ATP11A: variants seen among roughly 807,000 people sequenced by gnomAD.
ATP11A encodes the protein phospholipid-transporting ATPase IH.
A neutral mutation model predicts 154.4 loss-of-function variants in ATP11A; 81 were observed. The ratio of observed to expected loss-of-function variants is 0.52; its 90% CI spans 0.44 to 0.63. The LOEUF (loss-of-function observed/expected upper bound fraction) is 0.63, where lower values mean the gene tolerates loss of function less well. Ranked by LOEUF, ATP11A falls within the 30% of genes least tolerant of loss-of-function variation. ATP11A has a pLI of 0.00. For synonymous variants in ATP11A, 623 were observed against 585.9 expected (o/e 1.06, Z -0.91); for missense variants, 1,316 against 1,474.3 (o/e 0.89, Z 1.76).
intron 1 of ATP11A, among the ~76,000 whole-genome samples, chr13:112,701,635 A>C (rs1886551645): frequency 1.3e-5 from 2 of 151,748 alleles, no homozygotes; most frequent in South Asian, 4.2e-4. Context: ...GATCGAGACC[A>C]TCCTGGCTAA....
At position 112,690,601 on chromosome 13, in the gene ATP11A, G is replaced by C; in HGVS notation, c.39+146G>C. On this transcript the variant is annotated intron_variant, in intron 1 of 29. Transcript: ENST00000375645. The surrounding 1 kb of genome is among the most constrained non-coding windows in gnomAD (Gnocchi z 5.6). ...CTCGGACCGCCCCCGGGGACGAGCG[G>C]GATGCTGGGGAGGGGCCTCGGAGTT... 1.3e-6 allele frequency: 1 copy of C among 744,844 alleles called. No homozygotes were observed. The highest frequency in any genetic ancestry group is 1.8e-6 in the Non-Finnish European group (1 of 548,844). 46.1% of individuals were successfully genotyped at this position (744,844 alleles called of 1,614,324 possible). A position where few individuals can be genotyped will look rare whatever the true frequency, so the allele number is the denominator to read the frequency against.
At chr13:112,760,984 A>T (rs1447136309) in intron 1 of ATP11A, among the ~76,000 whole-genome samples, 1 of 152,232 alleles carries the variant, frequency 6.6e-6, no homozygotes, top group African/African-American at 2.4e-5. Flanking sequence ...GGAAAATTCC[A>T]GAAATAAACA....
chr13:112,710,163 G>A (rs539333258), intron 1 of ATP11A, among the ~76,000 whole-genome samples: 2 of 152,356 alleles, frequency 1.3e-5, no homozygotes, highest in Admixed American at 6.5e-5. Context: ...AATCACGAGT[G>A]TCATCCATGT....
At chr13:112,816,736 C>A (rs1013922174) in intron 6 of ATP11A, among the ~76,000 whole-genome samples, 7 of 152,190 alleles carry the variant, frequency 4.6e-5, no homozygotes, top group African/African-American at 1.7e-4. Context: ...CTCCCCATTT[C>A]CTTTTCACTT....
At chr13:112,694,758 A>G (rs902747984) in intron 1 of ATP11A, among the ~76,000 whole-genome samples, 1 of 152,126 alleles carries the variant, frequency 6.6e-6, no homozygotes, top group Non-Finnish European at 1.5e-5. Flanking sequence ...TTGCTTCTTA[A>G]CATTCTAAGA....
intron 1 of ATP11A, among the ~76,000 whole-genome samples, chr13:112,733,989 A>T (rs192530): frequency 6.6e-6 from 1 of 152,084 alleles, no homozygotes; most frequent in Admixed American, 6.5e-5. Context: ...TGTCAAACAA[A>T]TACTCATTGA....
At chr13:112,762,830 G>A (rs775327668) in intron 1 of ATP11A, among the ~76,000 whole-genome samples, 2 of 152,224 alleles carry the variant, frequency 1.3e-5, no homozygotes, top group African/African-American at 2.4e-5. Flanking sequence ...CAGGAGTGGC[G>A]TGGAGGCCGG....
At chr13:112,702,492 G>A (rs1311796082) in intron 1 of ATP11A, among the ~76,000 whole-genome samples, 1 of 152,230 alleles carries the variant, frequency 6.6e-6, no homozygotes. Flanking sequence ...GTCTCCCTCT[G>A]CCCTCAGATG....
intron 5 of ATP11A, among the ~76,000 whole-genome samples, chr13:112,814,688 G>C (rs865924188): frequency 3.9e-5 from 6 of 152,194 alleles, no homozygotes; most frequent in Middle Eastern, 3.4e-3. Context: ...TCTGTTTCTG[G>C]TTCCCTGGTC....
At chr13:112,805,841 AAAT>A (rs1297584852) in intron 3 of ATP11A, among the ~76,000 whole-genome samples, 2 of 152,210 alleles carry the variant, frequency 1.3e-5, no homozygotes, top group African/African-American at 4.8e-5. Flanking sequence ...TAATTTTTCT[AAAT>A]CATACAAAAT....
At position 112,883,703 on chromosome 13, in the gene ATP11A, C is replaced by T. The variant is rs2080931696; in HGVS notation, c.*1837C>T. On this transcript the variant is annotated 3_prime_UTR_variant, in exon 30 of 30. Coordinates refer to ENST00000375645, the MANE Select transcript of ATP11A (RefSeq NM_015205.3). Reference sequence around the variant, plus strand: ...TGAGCAGACAGAACGGGGAAGACTCCACTCTGTCCCGAGGGGCCAGCCGCA... The same window carrying T: ...TGAGCAGACAGAACGGGGAAGACTCTACTCTGTCCCGAGGGGCCAGCCGCA... The T allele has an allele frequency of 6.6e-6, 1 of 152,602 alleles. No homozygotes were observed. Among genetic ancestry groups the T allele is most frequent in the South Asian group, 2.1e-4 (1 of 4,828 alleles). The allele number at this position is 152,602 out of a possible 1,614,324, so 9.5% of individuals were successfully genotyped here.
At chr13:112,874,323 G>C (rs373530221) in intron 27 of ATP11A, among the ~76,000 whole-genome samples, 1 of 152,230 alleles carries the variant, frequency 6.6e-6, no homozygotes, top group Admixed American at 6.5e-5. Context: ...CTCCTGGACC[G>C]CCGGCCGTGA....
At position 112,844,264 on chromosome 13, in the gene ATP11A, G is replaced by A. The variant is rs78516003; in HGVS notation, c.1809+1885G>A. Among the ~76,000 whole-genome samples, 1,254 of 152,316 alleles carry A rather than the reference G, an allele frequency of 8.2e-3. 19 individuals carry two copies. Among genetic ancestry groups the A allele is most frequent in the African/African-American group, 0.029 (1,206 of 41,568 alleles). On this transcript the variant is annotated intron_variant, in intron 17 of 29. Coordinates refer to ENST00000375645, the MANE Select transcript of ATP11A (RefSeq NM_015205.3). ...CTGGATCCCCACTGCTGCTGCCCAG[G>A]AGAGTAGGCGCATGGATTATGTGAA...
chr13:112,872,867 A>AGGTGTG lies in ATP11A; in HGVS notation c.3058-705_3058-704insGTGTGG, dbSNP rs1165165775. Among the ~76,000 whole-genome samples, 227 of 148,600 alleles carry AGGTGTG rather than the reference A, an allele frequency of 1.5e-3. 39 individuals are homozygous for AGGTGTG. Among genetic ancestry groups the AGGTGTG allele is most frequent in the Admixed American group, 2.8e-3 (43 of 15,102 alleles). ...TGGCTTTGTCTTCCTGAGCAGTGTG[A>AGGTGTG]GCTGTGGCTTTGTCTCCCGAACGGT... On this transcript the variant is annotated intron_variant, in intron 26 of 29. Transcript: ENST00000375645.
chr13:112,788,443 A>G lies in ATP11A; in HGVS notation c.162+3186A>G, dbSNP rs191118310. On this transcript the variant is annotated intron_variant, in intron 2 of 29. Coordinates refer to ENST00000375645, the MANE Select transcript of ATP11A (RefSeq NM_015205.3). ...CTACTTAATTCACACCGGTGTCCTCATGTGTAGACCCTTGCGGAGACCTAC... is the reference window on the plus strand; with the variant it reads ...CTACTTAATTCACACCGGTGTCCTCGTGTGTAGACCCTTGCGGAGACCTAC... Among the ~76,000 whole-genome samples, 70 of 148,692 alleles carry G rather than the reference A, an allele frequency of 4.7e-4. 2 individuals are homozygous for G. Among genetic ancestry groups the G allele is most frequent in the Middle Eastern group, 3.6e-3 (1 of 276 alleles).
intron 1 of ATP11A, among the ~76,000 whole-genome samples, chr13:112,756,840 G>A (rs2076849330): frequency 6.6e-6 from 1 of 151,828 alleles, no homozygotes; most frequent in Non-Finnish European, 1.5e-5. Context: ...CACGGGGCCT[G>A]CTCCCAGCGC....
At chr13:112,830,052 T>C (rs999297647) in intron 12 of ATP11A, among the ~76,000 whole-genome samples, 1 of 152,234 alleles carries the variant, frequency 6.6e-6, no homozygotes, top group African/African-American at 2.4e-5. Flanking sequence ...ACTGGGATAA[T>C]AACACAGTTG....
intron 1 of ATP11A, among the ~76,000 whole-genome samples, chr13:112,711,828 G>A (rs1887787359): frequency 6.6e-6 from 1 of 152,238 alleles, no homozygotes; most frequent in Non-Finnish European, 1.5e-5. Flanking sequence ...ACGTAGGGGA[G>A]CAAGGCTCCA....
At chr13:112,716,920 C>A (rs538227659) in intron 1 of ATP11A, among the ~76,000 whole-genome samples, 6 of 58,524 alleles carry the variant, frequency 1.0e-4, no homozygotes, top group Non-Finnish European at 1.9e-4. Flanking sequence ...GGTGGACATC[C>A]GGGAGCTGGA....
Sources: allele counts gnomAD v4.1 joint callset (sites outside exome capture counted in the v4.1 genomes callset), GRCh38; gene constraint gnomAD v4.1.1; non-coding constraint Gnocchi (gnomAD v3.1); transcripts MANE v1.5; gene names NCBI Gene and HGNC (gene_info 2026-07-23, HGNC 2026-07-21).